SGCD: variants seen among roughly 807,000 people sequenced by gnomAD.
SGCD encodes sarcoglycan delta, also known as delta-sarcoglycan.
Under a neutral mutation model 36.6 loss-of-function variants are expected in SGCD, and 18 were observed. That is an observed-to-expected ratio of 0.49 (90% confidence interval 0.34 to 0.73). The LOEUF (loss-of-function observed/expected upper bound fraction) is 0.73. Among genes scored for constraint, SGCD ranks in the 30% least tolerant of loss-of-function variants. The probability of loss-of-function intolerance (pLI) is 0.01; values close to 1 mark genes in which losing one functional copy is unlikely to be tolerated. For missense variants in SGCD, 387 were observed against 346.7 expected (o/e 1.12, Z -0.92); for synonymous variants, 133 against 130.6 (o/e 1.02, Z -0.12).
At chr5:155,753,914 T>G in the SGCD span, among the ~76,000 whole-genome samples, 5 of 152,196 alleles carry the variant, frequency 3.3e-5, no homozygotes, top group African/African-American at 1.2e-4. Flanking sequence ...TTTTTTTCAA[T>G]TGACGTGTTT....
intron 1 of SGCD, among the ~76,000 whole-genome samples, chr5:156,041,746 A>G (rs1420687491): frequency 6.6e-6 from 1 of 152,194 alleles, no homozygotes; most frequent in East Asian, 1.9e-4. Flanking sequence ...TGTAAGGAAG[A>G]TCATCATAAG....
chr5:156,049,637 A>G (rs1348324818), intron 1 of SGCD, among the ~76,000 whole-genome samples: 1 of 146,714 alleles, frequency 6.8e-6, no homozygotes, highest in Non-Finnish European at 1.5e-5. Flanking sequence ...GTAAGTCTAT[A>G]TCTGTCATAA....
intron 3 of SGCD, among the ~76,000 whole-genome samples, chr5:156,364,425 A>C (rs1037770056): frequency 1.3e-5 from 2 of 152,096 alleles, no homozygotes; most frequent in African/African-American, 4.8e-5. Flanking sequence ...AATACTTTGC[A>C]AATTTGGCTT....
At chr5:156,543,376 TC>T (rs1758431080) in intron 4 of SGCD, among the ~76,000 whole-genome samples, 1 of 152,200 alleles carries the variant, frequency 6.6e-6, no homozygotes, top group Non-Finnish European at 1.5e-5. Context: ...TAAGTGCTGC[TC>T]AGTTTTCAGC....
chr5:156,628,599 G>C (rs188551229), intron 6 of SGCD, among the ~76,000 whole-genome samples: 19 of 152,314 alleles, frequency 1.2e-4, no homozygotes, highest in African/African-American at 4.3e-4. Flanking sequence ...TGCCATCCTT[G>C]ACATCTTTGA....
chr5:156,161,429 C>T (rs1395394999), intron 3 of SGCD, among the ~76,000 whole-genome samples: 10 of 151,902 alleles, frequency 6.6e-5, no homozygotes, highest in Middle Eastern at 3.4e-3. Flanking sequence ...AAGTGCTTAC[C>T]GCTTTCCAGT....
At chr5:155,837,892 G>A in the SGCD span, among the ~76,000 whole-genome samples, 1 of 152,020 alleles carries the variant, frequency 6.6e-6, no homozygotes, top group Non-Finnish European at 1.5e-5. Flanking sequence ...CCTCAAAAAG[G>A]CATTTGGCCT....
intron 6 of SGCD, among the ~76,000 whole-genome samples, chr5:156,610,772 C>G (rs1220037367): frequency 6.6e-6 from 1 of 152,232 alleles, no homozygotes; most frequent in Non-Finnish European, 1.5e-5. Flanking sequence ...TCGCTGCCAC[C>G]TTGCAGTTTG....
At chr5:156,365,875 C>A (rs1401756350) in intron 3 of SGCD, among the ~76,000 whole-genome samples, 1 of 150,494 alleles carries the variant, frequency 6.6e-6, no homozygotes, top group African/African-American at 2.4e-5. Context: ...TGTATACATT[C>A]ATATATGCAT....
intron 3 of SGCD, among the ~76,000 whole-genome samples, chr5:156,346,452 T>A (rs1040428660): frequency 1.3e-5 from 2 of 152,074 alleles, no homozygotes; most frequent in Admixed American, 1.3e-4. Context: ...ACACACACCA[T>A]CATGCTTGAC....
At chr5:156,092,277 C>T (rs976361117) in intron 1 of SGCD, among the ~76,000 whole-genome samples, 2 of 152,180 alleles carry the variant, frequency 1.3e-5, no homozygotes, top group African/African-American at 4.8e-5. Flanking sequence ...TCGTTAGGCT[C>T]CTTTTGCCCT....
intron 3 of SGCD, among the ~76,000 whole-genome samples, chr5:156,202,142 T>G (rs958987242): frequency 1.3e-5 from 2 of 152,196 alleles, no homozygotes; most frequent in African/African-American, 4.8e-5. Flanking sequence ...CACAGGGGGT[T>G]CTTTCTTGGC....
chr5:155,803,288 T>C, the SGCD span, among the ~76,000 whole-genome samples: 12 of 152,170 alleles, frequency 7.9e-5, no homozygotes, highest in East Asian at 1.9e-4. Context: ...TACTAAGGGA[T>C]TGGAGAAACA....
intron 3 of SGCD, among the ~76,000 whole-genome samples, chr5:156,436,300 C>T (rs1753242963): frequency 1.3e-5 from 2 of 152,224 alleles, no homozygotes; most frequent in Admixed American, 1.3e-4. Context: ...GTTCTCTCAG[C>T]TAGCTGAAAC....
Position 156,179,378 on chromosome 5 carries a change from G to A in SGCD, c.-44+55359G>A, listed in dbSNP as rs534452737. ...GTGTACAATAAATTTATTCATTTAC[G>A]TATTGCAAGATATTTTGTTTCCTTT... On this transcript the variant is annotated intron_variant, in intron 3 of 9. Coordinates refer to the SGCD transcript ENST00000517913. Among the ~76,000 whole-genome samples, 57 of 151,988 alleles carry A rather than the reference G, an allele frequency of 3.8e-4. 1 individual carries two copies. Among genetic ancestry groups the A allele is most frequent in the Admixed American group, 3.3e-3 (51 of 15,252 alleles).
At chr5:156,078,233 G>T (rs879718414) in intron 1 of SGCD, among the ~76,000 whole-genome samples, 1 of 151,834 alleles carries the variant, frequency 6.6e-6, no homozygotes, top group South Asian at 2.1e-4. Context: ...ATAATACAAC[G>T]CCGGGTGTGG....
rs559714581 is a variant in SGCD, at chr5:156,057,564, GATC to G, written c.-281-60308_-281-60306del. ...TCCTCTGAAAAAGGCCAGAGAAAAT[GATC>G]ATCATTTAGTAAGTCACACTTCTTG... On this transcript the variant is annotated intron_variant, in intron 1 of 9. Coordinates refer to the SGCD transcript ENST00000517913. 6.8e-4 allele frequency among the ~76,000 whole-genome samples: 99 copies of G among 146,638 alleles called. 16 individuals carry two copies. The highest frequency in any genetic ancestry group is 1.4e-3 in the Admixed American group (21 of 14,698).
At chr5:156,266,968 T>G (rs1456401939) in intron 3 of SGCD, among the ~76,000 whole-genome samples, 2 of 152,206 alleles carry the variant, frequency 1.3e-5, no homozygotes, top group East Asian at 3.9e-4. Context: ...ATCTTCTTAC[T>G]GTAAGATATC....
intron 3 of SGCD, among the ~76,000 whole-genome samples, chr5:156,502,293 G>A (rs981534470): frequency 9.9e-5 from 15 of 151,906 alleles, no homozygotes; most frequent in African/African-American, 1.7e-4. Context: ...TGATCCGCCC[G>A]CCTCGGCCTC....
Sources: allele counts gnomAD v4.1 joint callset (sites outside exome capture counted in the v4.1 genomes callset), GRCh38; gene constraint gnomAD v4.1.1; transcripts MANE v1.5; gene names NCBI Gene and HGNC (gene_info 2026-07-23, HGNC 2026-07-21).